The following WAC variants were observed in gnomAD, a reference collection of about 807,000 sequenced individuals.
WAC encodes the protein WW domain-containing adapter protein with coiled-coil.
WAC carries 11 observed loss-of-function variants against 79.6 expected under a neutral mutation model. That is an observed-to-expected ratio of 0.14 (90% CI 0.09 to 0.23). The LOEUF (loss-of-function observed/expected upper bound fraction) is 0.23. Among genes scored for constraint, WAC ranks in the 10% least tolerant of loss-of-function variants. WAC has a pLI of 1.00. For synonymous variants in WAC, 304 were observed against 276.9 expected (o/e 1.10, Z -0.97); for missense variants, 728 against 773.5 (o/e 0.94, Z 0.70).
intron 3 of WAC, among the ~76,000 whole-genome samples, chr10:28,538,866 TAAAAAAAA>T (rs5784069): frequency 3.2e-5 from 4 of 126,896 alleles, no homozygotes; most frequent in Admixed American, 8.1e-5. Context: ...CCCGTCTGTT[TAAAAAAAA>T]AAAAAAAAAA....
chr10:28,590,940 C>G (rs1840050022), intron 6 of WAC, 108 bp downstream of exon 6: 2 of 900,278 alleles, frequency 2.2e-6, no homozygotes. Flanking sequence ...TAAATAGAAA[C>G]ATACGGAGAT....
chr10:28,585,549 T>C (rs1451512327), intron 4 of WAC, among the ~76,000 whole-genome samples: 1 of 151,636 alleles, frequency 6.6e-6, no homozygotes, highest in Non-Finnish European at 1.5e-5. Context: ...CCTTTCTTTT[T>C]TTTTTTTTTC....
At chr10:28,606,580 T>G (rs1417795367) in intron 7 of WAC, among the ~76,000 whole-genome samples, 2 of 152,216 alleles carry the variant, frequency 1.3e-5, no homozygotes, top group African/African-American at 4.8e-5. Flanking sequence ...TAGAGAGCTA[T>G]TATCCCTAGT....
intron 3 of WAC, among the ~76,000 whole-genome samples, chr10:28,536,482 TTA>T (rs1337377733): frequency 6.6e-6 from 1 of 152,222 alleles, no homozygotes; most frequent in Non-Finnish European, 1.5e-5. Context: ...TAAAAACTCA[TTA>T]TGTTTTTTCA....
chr10:28,555,695 A>G (rs552382271), intron 3 of WAC, among the ~76,000 whole-genome samples: 2 of 152,266 alleles, frequency 1.3e-5, no homozygotes, highest in Admixed American at 6.5e-5. Context: ...CCAGATTCAT[A>G]TATTGATCGT....
intron 3 of WAC, among the ~76,000 whole-genome samples, chr10:28,544,221 C>T (rs1399294685): frequency 6.6e-6 from 1 of 152,068 alleles, no homozygotes; most frequent in Non-Finnish European, 1.5e-5. Context: ...GCATTGTGTT[C>T]CCTTTATTCG....
At chr10:28,592,565 G>T (rs1840146680) in intron 6 of WAC, among the ~76,000 whole-genome samples, 1 of 152,036 alleles carries the variant, frequency 6.6e-6, no homozygotes, top group Non-Finnish European at 1.5e-5. Flanking sequence ...AGGTTGCTGT[G>T]ACCTGAGATT....
At chr10:28,590,922 A>G in intron 6 of WAC, 90 bp downstream of exon 6, 5 of 932,294 alleles carry the variant, frequency 5.4e-6, no homozygotes, top group African/African-American at 1.7e-5. Context: ...TACATATGTA[A>G]ATTAAAATAA....
At chr10:28,551,209 A>T (rs1160086789) in intron 3 of WAC, among the ~76,000 whole-genome samples, 1 of 152,154 alleles carries the variant, frequency 6.6e-6, no homozygotes, top group Admixed American at 6.6e-5. Context: ...AAAACTTCTC[A>T]GATTTAGTGT....
At position 28,535,626 on chromosome 10, in the gene WAC, A is replaced by G. The variant is rs1477297215; in HGVS notation, c.143A>G (p.Asp48Gly). 4 of 1,614,128 alleles carry G rather than the reference A, an allele frequency of 2.5e-6. No homozygotes were observed. In the East Asian group the frequency reaches 6.7e-5, roughly 27 times the overall value. ...SGDHRHEKMR[D>G]AGDPSPPNKM... ...GATCACAGACATGAAAAGATGCGAG[A>G]CGCCGGAGATCCTTCACCACCAAAT... is the stretch of plus-strand genomic sequence containing the variant. Residue 48 changes from aspartate to glycine, a missense_variant, in exon 3 of 14, where the codon GAC becomes GGC. Transcript: ENST00000354911.
At chr10:28,568,907 C>G (rs1307029134) in intron 3 of WAC, among the ~76,000 whole-genome samples, 3 of 152,004 alleles carry the variant, frequency 2.0e-5, no homozygotes, top group African/African-American at 7.3e-5. Context: ...ATTCCAACAC[C>G]CAGATAAATA....
In WAC at chr10:28,577,949, G is replaced by A. The variant is rs73609824; in HGVS notation, c.275-5450G>A. Among the ~76,000 whole-genome samples the A allele has an allele frequency of 4.1e-3, 621 of 152,212 alleles. 6 individuals carry two copies. The highest frequency in any genetic ancestry group is 0.014 in the African/African-American group (599 of 41,516). ...CAAGGCAGGTGGATGGATCACTTGA[G>A]GACAAGAGTTCGAAAATAGCCTGGC... On this transcript the variant is annotated intron_variant, in intron 3 of 13. Coordinates refer to ENST00000354911, the MANE Select transcript of WAC (RefSeq NM_016628.5).
intron 3 of WAC, among the ~76,000 whole-genome samples, chr10:28,553,954 C>A (rs1044095910): frequency 4.6e-5 from 7 of 152,068 alleles, no homozygotes; most frequent in Non-Finnish European, 8.8e-5. Context: ...CTGCAGCCTC[C>A]ACCTCCCAGG....
At chr10:28,576,138 C>T (rs111272935) in intron 3 of WAC, among the ~76,000 whole-genome samples, 2 of 152,156 alleles carry the variant, frequency 1.3e-5, no homozygotes, top group Admixed American at 6.6e-5. Flanking sequence ...TTGCTCAGAA[C>T]GTATCCTTGT....
At chr10:28,606,600 C>CATTA (rs1840965858) in intron 7 of WAC, among the ~76,000 whole-genome samples, 1 of 152,162 alleles carries the variant, frequency 6.6e-6, no homozygotes, top group South Asian at 2.1e-4. Flanking sequence ...TTCTTTCGAC[C>CATTA]ATTATAGTAG....
intron 1 of WAC, 179 bp from the exon 2 acceptor site, chr10:28,533,819 T>TTTCGCCCTCTCCGGCCC: frequency 1.0e-6 from 1 of 1,000,900 alleles, no homozygotes; most frequent in Non-Finnish European, 1.4e-6. Flanking sequence ...CTTCGCGGCA[T>TTTCGCCCTCTCCGGCCC]TTCGCCCTCT....
At chr10:28,559,290 T>A (rs147924277) in intron 3 of WAC, among the ~76,000 whole-genome samples, 2 of 152,086 alleles carry the variant, frequency 1.3e-5, no homozygotes, top group African/African-American at 4.8e-5. Flanking sequence ...TGCTTTTTTA[T>A]GTAACAATGA....
At chr10:28,587,951 C>A (rs1839905730) in intron 4 of WAC, among the ~76,000 whole-genome samples, 1 of 151,554 alleles carries the variant, frequency 6.6e-6, no homozygotes, top group African/African-American at 2.4e-5. Flanking sequence ...AGCACAACTT[C>A]TGTGAAAGAA....
intron 7 of WAC, among the ~76,000 whole-genome samples, chr10:28,604,918 TAAAAC>T (rs1050511656): frequency 3.3e-5 from 5 of 152,222 alleles, no homozygotes; most frequent in Non-Finnish European, 5.9e-5. Context: ...ATTTCAGTGA[TAAAAC>T]TAAAACTACC....
Sources: gnomAD v4.1 joint callset for allele counts (sites outside exome capture counted in the v4.1 genomes callset) on GRCh38, gnomAD v4.1.1 for gene constraint, MANE v1.5 for transcripts, NCBI Gene and HGNC (gene_info 2026-07-23, HGNC 2026-07-21) for gene names.